PCDHA4: variants seen among roughly 807,000 people sequenced by gnomAD.
PCDHA4 encodes protocadherin alpha 4.
In PCDHA4, 49 loss-of-function variants were observed where a neutral mutation model predicts 61.4. That is an observed-to-expected ratio of 0.80 (90% CI 0.63 to 1.01). The LOEUF is 1.01. Ranked by LOEUF, PCDHA4 falls within the 50% of genes least tolerant of loss-of-function variation. PCDHA4 has a pLI of 0.00. For missense variants in PCDHA4, 1,254 were observed against 1,235.8 expected (o/e 1.01, Z -0.22); for synonymous variants, 590 against 550.3 (o/e 1.07, Z -1.01).
At chr5:140,956,930 A>G (rs2153711573) in intron 1 of PCDHA4, among the ~76,000 whole-genome samples, 1 of 151,954 alleles carries the variant, frequency 6.6e-6, no homozygotes, top group East Asian at 1.9e-4. Flanking sequence ...TGCTGGATAT[A>G]GGATAAAATT....
intron 1 of PCDHA4, among the ~76,000 whole-genome samples, chr5:140,970,860 C>T (rs2096438853): frequency 6.6e-6 from 1 of 152,054 alleles, no homozygotes; most frequent in Non-Finnish European, 1.5e-5. Context: ...AAGTTCCATT[C>T]CTGATTGAGA....
intron 1 of PCDHA4, among the ~76,000 whole-genome samples, chr5:140,909,261 G>A (rs1358542746): frequency 6.6e-6 from 1 of 152,226 alleles, no homozygotes; most frequent in Admixed American, 6.5e-5. Flanking sequence ...CTTGCTGACT[G>A]AAGGCAAATT....
intron 1 of PCDHA4, chr5:140,821,888 C>T (rs1554128295): frequency 5.6e-6 from 9 of 1,614,106 alleles, no homozygotes; most frequent in Non-Finnish European, 7.6e-6. Context: ...CCGGAGGAAG[C>T]CAAACACGGA....
chr5:140,819,709 A>G (rs2150054370), intron 1 of PCDHA4, among the ~76,000 whole-genome samples: 1 of 152,246 alleles, frequency 6.6e-6, no homozygotes, highest in Non-Finnish European at 1.5e-5. Context: ...TTAAAAAGTA[A>G]ATATAATTTA....
chr5:140,808,398 A>G lies in PCDHA4; in HGVS notation c.1211A>G (p.Tyr404Cys), dbSNP rs781853303. The change falls in exon 1 of 4, where the codon TAC becomes TGC. Residue 404 changes from tyrosine (Y) to cysteine (C), a missense_variant. Transcript: ENST00000530339. ...AAGCTGGTGTCCACCTTCAAGAATTACTACTCGTTGGTGCTGGACAGTGCC... is the reference window on the plus strand; with the variant it reads ...AAGCTGGTGTCCACCTTCAAGAATTGCTACTCGTTGGTGCTGGACAGTGCC... ...PFKLVSTFKN[Y>C]YSLVLDSALD... 3 of 1,614,148 alleles carry G rather than the reference A, an allele frequency of 1.9e-6. No homozygotes were observed. The highest frequency in any genetic ancestry group is 2.5e-6 in the Non-Finnish European group (3 of 1,180,048).
intron 1 of PCDHA4, among the ~76,000 whole-genome samples, chr5:140,973,323 A>G (rs1331752602): frequency 1.3e-5 from 2 of 152,160 alleles, no homozygotes; most frequent in African/African-American, 4.8e-5. Flanking sequence ...AACAGAGTTT[A>G]CACTCGTTGT....
chr5:140,808,863 A>T lies in PCDHA4; in HGVS notation c.1676A>T (p.Asn559Ile). The stretch of plus-strand genomic sequence containing the variant: ...CTGCAGGTGTTCGTGCTGGACGAAA[A>T]CGACAACGCGCCAGCACTGCTAGCG... ...VTLQVFVLDE[N>I]DNAPALLAPR... The change falls in exon 1 of 4, where the codon AAC (asparagine) becomes ATC (isoleucine). Residue 559 changes from asparagine (N) to isoleucine (I), a missense_variant. Transcript: ENST00000530339. 6.2e-7 allele frequency: 1 copy of T among 1,613,090 alleles called. No individual in the cohort carries two copies. The highest frequency in any genetic ancestry group is 8.5e-7 in the Non-Finnish European group (1 of 1,179,868).
At chr5:140,935,894 CTT>C (rs55841305) in intron 1 of PCDHA4, among the ~76,000 whole-genome samples, 8 of 136,706 alleles carry the variant, frequency 5.9e-5, no homozygotes, top group Non-Finnish European at 3.1e-5. Context: ...TCAATATTAT[CTT>C]TTTTTTTTTT....
In PCDHA4 at chr5:140,849,837, G is replaced by A. The variant is rs2150452785; in HGVS notation, c.2385+40265G>A. The A allele has an allele frequency of 9.4e-6, 15 of 1,598,674 alleles. 2 individuals are homozygous for A. The Admixed American group carries it at 2.0e-4, about 22-fold the overall frequency. On this transcript the variant is annotated intron_variant, in intron 1 of 3. Coordinates refer to ENST00000530339, the MANE Select transcript of PCDHA4 (RefSeq NM_018907.4). ...CAGGGTGTCTGTGGAGGTGGCCGAC[G>A]TGAACGACAACGCACCAGCGTTCGC...
At chr5:140,865,328 G>C (rs2048826529) in intron 1 of PCDHA4, 2 of 152,116 alleles carry the variant, frequency 1.3e-5, no homozygotes. Flanking sequence ...CTTTAATTCT[G>C]TGTAAAGAAA....
chr5:140,844,416 T>C (rs2150371030), intron 1 of PCDHA4, among the ~76,000 whole-genome samples: 3 of 149,642 alleles, frequency 2.0e-5, no homozygotes, highest in Admixed American at 6.7e-5. Context: ...TGGAGACATG[T>C]TTTTTATTCT....
At chr5:140,855,950 C>G (rs1468443604) in intron 1 of PCDHA4, 1 of 1,363,922 alleles carries the variant, frequency 7.3e-7, no homozygotes, top group Non-Finnish European at 1.0e-6. Flanking sequence ...TCAGCCATTT[C>G]GATAAAAAAT....
At chr5:140,848,581 G>C in intron 1 of PCDHA4, 1 of 1,595,130 alleles carries the variant, frequency 6.3e-7, no homozygotes, top group Non-Finnish European at 8.6e-7. Flanking sequence ...GTGGGGAGCG[G>C]CCAGCTCCAC....
chr5:140,950,323 A>G (rs1400315467), intron 1 of PCDHA4, among the ~76,000 whole-genome samples: 1 of 152,046 alleles, frequency 6.6e-6, no homozygotes, highest in Non-Finnish European at 1.5e-5. Context: ...TAATGCATAT[A>G]TGCTGCAGTG....
Position 140,836,049 on chromosome 5 carries a change from C to T in PCDHA4, c.2385+26477C>T, listed in dbSNP as rs1223853934. ...CAACGTGACGCTGCAGGTGTTCGTG[C>T]TGGACGAGAACGACAACGCGCCGGC... On this transcript the variant is annotated intron_variant, in intron 1 of 3. Transcript: ENST00000530339. 4 of 1,613,294 alleles carry T rather than the reference C, an allele frequency of 2.5e-6. No homozygotes were observed. The South Asian group carries it at 3.3e-5, about 13-fold the overall frequency.
At chr5:140,976,724 T>C (rs372662527) in intron 1 of PCDHA4, among the ~76,000 whole-genome samples, 6 of 152,202 alleles carry the variant, frequency 3.9e-5, no homozygotes, top group African/African-American at 1.4e-4. Flanking sequence ...AGTTCATTTA[T>C]TTAAACACAT....
chr5:140,868,879 C>T (rs1247053599), intron 1 of PCDHA4: 1 of 693,900 alleles, frequency 1.4e-6, no homozygotes, highest in Non-Finnish European at 2.3e-6. Context: ...ACAGTACTCA[C>T]AGTTTTAGGC....
At chr5:140,941,209 T>TCC (rs59604197) in intron 1 of PCDHA4, among the ~76,000 whole-genome samples, 12 of 126,888 alleles carry the variant, frequency 9.5e-5, no homozygotes, top group Admixed American at 4.0e-4. Flanking sequence ...CTTCCTTTCT[T>TCC]TCTTCCTTTC....
At position 140,807,250 on chromosome 5, in the gene PCDHA4, C is replaced by A. The variant is rs781836532; in HGVS notation, c.63C>A (p.Leu21=). 1.2e-6 allele frequency: 2 copies of A among 1,614,232 alleles called. No individual in the cohort carries two copies. Among genetic ancestry groups the A allele is most frequent in the East Asian group, 2.2e-5 (1 of 44,886 alleles). ...GTCTGCTGCTCTTACTTCTTCTCCT[C>A]GCAGCCTGGGAGGCAGGGAACGGTC... is the stretch of plus-strand genomic sequence containing the variant. ...SRRLLLLLLL[L]AAWEAGNGQL... Residue 21 remains leucine, a synonymous_variant, in exon 1 of 4, where the codon CTC becomes CTA. Transcript: ENST00000530339.
Sources: gnomAD v4.1 joint callset for allele counts (sites outside exome capture counted in the v4.1 genomes callset) on GRCh38, gnomAD v4.1.1 for gene constraint, MANE v1.5 for transcripts, NCBI Gene and HGNC (gene_info 2026-07-23, HGNC 2026-07-21) for gene names.